The following EYA2 variants were observed in gnomAD, a reference collection of about 807,000 sequenced individuals.
The protein encoded by EYA2 is protein phosphatase EYA2.
A neutral mutation model predicts 69.2 loss-of-function variants in EYA2; 31 were observed. The observed-to-expected ratio is 0.45, with a 90% confidence interval of 0.34 to 0.60. EYA2 has a LOEUF of 0.60. Among genes scored for constraint, EYA2 ranks in the 20% least tolerant of loss-of-function variants. The pLI is 0.02. For synonymous variants in EYA2, 257 were observed against 279.4 expected (o/e 0.92, Z 0.80); for missense variants, 622 against 701.2 (o/e 0.89, Z 1.28).
At chr20:47,150,731 T>C (rs1261087542) in intron 10 of EYA2, among the ~76,000 whole-genome samples, 1 of 152,014 alleles carries the variant, frequency 6.6e-6, no homozygotes, top group Non-Finnish European at 1.5e-5. Flanking sequence ...GCTCTCAAAC[T>C]GCTGGGATTA....
intron 7 of EYA2, among the ~76,000 whole-genome samples, chr20:47,086,540 CA>C (rs1189297465): frequency 6.6e-6 from 1 of 151,274 alleles, no homozygotes; most frequent in African/African-American, 2.4e-5. Context: ...AGGAGGGGGT[CA>C]GGGGAGGTGC....
chr20:47,159,125 T>C (rs958673527), intron 10 of EYA2, among the ~76,000 whole-genome samples: 1 of 151,996 alleles, frequency 6.6e-6, no homozygotes, highest in Non-Finnish European at 1.5e-5. Context: ...GAGCCACGCA[T>C]AGTGACTTCT....
At chr20:46,948,429 T>G (rs368209076) in intron 1 of EYA2, among the ~76,000 whole-genome samples, 2 of 152,258 alleles carry the variant, frequency 1.3e-5, no homozygotes, top group African/African-American at 4.8e-5. Context: ...TGAAAAACAC[T>G]GGTCACAGCT....
At chr20:46,996,148 T>A (rs571597822) in intron 2 of EYA2, among the ~76,000 whole-genome samples, 1 of 152,368 alleles carries the variant, frequency 6.6e-6, no homozygotes, top group Admixed American at 6.5e-5. Context: ...AAACATGGTG[T>A]GTATCCTCGG....
intron 1 of EYA2, among the ~76,000 whole-genome samples, chr20:46,984,799 T>A (rs985902): frequency 2.8e-4 from 43 of 152,280 alleles, no homozygotes; most frequent in African/African-American, 8.9e-4. Flanking sequence ...TTTTAAAAAA[T>A]GAAGATGAAT....
chr20:47,038,040 A>G (rs747955809), intron 5 of EYA2, among the ~76,000 whole-genome samples: 3 of 152,244 alleles, frequency 2.0e-5, no homozygotes, highest in Non-Finnish European at 4.4e-5. Context: ...CTGCCCTTGC[A>G]GGGTTTACAT....
Position 47,074,447 on chromosome 20 carries a change from CATGG to C in EYA2, c.661+116_661+119del, listed in dbSNP as rs200505924. Reference sequence around the variant, plus strand: ...ACAAACAGGTTACCCAAGGGTCATTCATGGATGTGGCCTGAGAGCTTCTCTGAAG... The same window carrying C: ...ACAAACAGGTTACCCAAGGGTCATTCATGTGGCCTGAGAGCTTCTCTGAAG... On this transcript the variant is annotated intron_variant, in intron 7 of 15. Coordinates refer to ENST00000327619, the MANE Select transcript of EYA2 (RefSeq NM_005244.5). The C allele has an allele frequency of 1.5e-3, 1,794 of 1,170,084 alleles. 31 individuals are homozygous for C. In the African/African-American group the frequency reaches 0.024, roughly 16 times the overall value. 72.5% of individuals were successfully genotyped at this position (1,170,084 alleles called of 1,614,324 possible).
intron 1 of EYA2, among the ~76,000 whole-genome samples, chr20:46,980,064 T>C (rs1367938105): frequency 6.6e-6 from 1 of 152,160 alleles, no homozygotes; most frequent in Admixed American, 6.5e-5. Flanking sequence ...TAGAGCTGGA[T>C]GGGCCCTGAG....
chr20:47,044,311 CTCAT>C (rs3085554), intron 5 of EYA2, among the ~76,000 whole-genome samples: 1 of 104,524 alleles, frequency 9.6e-6, no homozygotes, highest in Admixed American at 9.7e-5. Context: ...CTTAGACTTA[CTCAT>C]TCATTCAGCA....
intron 5 of EYA2, among the ~76,000 whole-genome samples, chr20:47,049,833 C>G (rs1230761743): frequency 6.6e-6 from 1 of 151,680 alleles, no homozygotes; most frequent in Non-Finnish European, 1.5e-5. Context: ...AGCTGTGCCT[C>G]TCTCTCTAGG....
At chr20:47,128,444 C>T (rs1377672448) in intron 9 of EYA2, among the ~76,000 whole-genome samples, 2 of 152,090 alleles carry the variant, frequency 1.3e-5, no homozygotes, top group Admixed American at 1.3e-4. Context: ...TGCCGTTTCT[C>T]CTCACTTTGG....
chr20:47,169,276 G>A (rs1337789335), intron 11 of EYA2, 79 bp downstream of exon 11: 4 of 1,381,656 alleles, frequency 2.9e-6, no homozygotes, highest in East Asian at 4.6e-5. Flanking sequence ...GAAGTGGGGT[G>A]GGAGAGGAGG....
At chr20:47,001,787 C>CTTTTTTTT (rs61340904) in intron 3 of EYA2, among the ~76,000 whole-genome samples, 1 of 147,446 alleles carries the variant, frequency 6.8e-6, no homozygotes, top group Non-Finnish European at 1.5e-5. Flanking sequence ...TCTCTTCATT[C>CTTTTTTTT]TTTTTTTTTT....
rs535313391 is a variant in EYA2 at position 47,081,275 on chromosome 20, T to C, written c.661+6940T>C. On this transcript the variant is annotated intron_variant, in intron 7 of 15. Coordinates refer to ENST00000327619, the MANE Select transcript of EYA2 (RefSeq NM_005244.5). ...GATGGGGACACAGAGCCAAACCCTA[T>C]CAGTGTTATATACTTGAAACTTGCT... is the stretch of plus-strand genomic sequence containing the variant. Among the ~76,000 whole-genome samples, 28 of 152,138 alleles carry C rather than the reference T, an allele frequency of 1.8e-4. No homozygotes were observed. In the East Asian group the frequency reaches 5.0e-3, roughly 27 times the overall value.
chr20:47,081,895 G>A (rs1453717501), intron 7 of EYA2, among the ~76,000 whole-genome samples: 12 of 151,530 alleles, frequency 7.9e-5, no homozygotes, highest in Admixed American at 4.6e-4. Context: ...GCTGGAGTGC[G>A]ATGGTGTGAC....
At chr20:47,137,176 A>G (rs2033496791) in intron 9 of EYA2, among the ~76,000 whole-genome samples, 1 of 152,050 alleles carries the variant, frequency 6.6e-6, no homozygotes, top group African/African-American at 2.4e-5. Context: ...TTGCTTGTTT[A>G]GGAAATTAAC....
At chr20:47,168,730 G>A (rs2034257024) in intron 10 of EYA2, among the ~76,000 whole-genome samples, 1 of 152,148 alleles carries the variant, frequency 6.6e-6, no homozygotes, top group Non-Finnish European at 1.5e-5. Flanking sequence ...CAAGCAGGGG[G>A]AACACCTTTA....
chr20:47,182,904 TC>T (rs2034565469), intron 14 of EYA2, among the ~76,000 whole-genome samples: 1 of 152,130 alleles, frequency 6.6e-6, no homozygotes, highest in East Asian at 1.9e-4. Flanking sequence ...ACCACTGCAC[TC>T]CAGCCTGGGT....
intron 1 of EYA2, among the ~76,000 whole-genome samples, chr20:46,976,579 G>T (rs1367322705): frequency 1.3e-5 from 2 of 152,172 alleles, no homozygotes; most frequent in Non-Finnish European, 1.5e-5. Context: ...TAGAGACGGG[G>T]TTTCACCGTG....
Sources: gnomAD v4.1 joint callset for allele counts (sites outside exome capture counted in the v4.1 genomes callset) on GRCh38, gnomAD v4.1.1 for gene constraint, MANE v1.5 for transcripts, NCBI Gene and HGNC (gene_info 2026-07-23, HGNC 2026-07-21) for gene names.